The following KIRREL2 variants were observed in gnomAD, a reference collection of about 807,000 sequenced individuals.
The protein encoded by KIRREL2 is kin of IRRE-like protein 2.
Under a neutral mutation model 73.4 loss-of-function variants are expected in KIRREL2, and 56 were observed. The observed-to-expected ratio is 0.76, with a 90% CI of 0.62 to 0.95. The LOEUF (loss-of-function observed/expected upper bound fraction) is 0.95. Ranked by LOEUF, KIRREL2 falls within the 40% of genes least tolerant of loss-of-function variation. The probability of loss-of-function intolerance (pLI) is 0.00; values close to 1 mark genes in which losing one functional copy is unlikely to be tolerated. For missense variants in KIRREL2, 896 were observed against 935.0 expected, an observed-to-expected ratio of 0.96 and a Z score of 0.54; for synonymous variants, 407 against 404.0, an observed-to-expected ratio of 1.01 and a Z score of -0.09.
upstream of KIRREL2, among the ~76,000 whole-genome samples, chr19:35,854,153 A>G (rs2146839398): frequency 6.6e-6 from 1 of 150,800 alleles, no homozygotes; most frequent in South Asian, 2.1e-4. Flanking sequence ...CCACTTGGCT[A>G]ATTTTTTTTA....
rs756826802 is a variant in KIRREL2, at chr19:35,861,189, G to A, written c.1124G>A (p.Cys375Tyr). 4.4e-6 allele frequency: 7 copies of A among 1,573,206 alleles called. No homozygotes were observed. The East Asian group carries it at 6.7e-5, about 15-fold the overall frequency. Reference sequence around the variant, plus strand: ...CCCGAGGACGCAGGCGACTATGTGTGCAGAGCTGAGGCTGGGCTATCGGGC... The same window carrying A: ...CCCGAGGACGCAGGCGACTATGTGTACAGAGCTGAGGCTGGGCTATCGGGC... The part of the protein sequence containing the change: ...VGPEDAGDYV[C>Y]RAEAGLSGLR... Residue 375 changes from cysteine (C) to tyrosine (Y), a missense_variant, in exon 9 of 15, where the codon TGC becomes TAC. Transcript: ENST00000360202.
At chr19:35,864,608 A>G (rs1599872542) in intron 13 of KIRREL2, 40 bp from the exon 14 acceptor site, 1 of 1,540,490 alleles carries the variant, frequency 6.5e-7, no homozygotes. Flanking sequence ...GGGCGGGGGG[A>G]TCCTCTGACT....
intron 4 of KIRREL2, among the ~76,000 whole-genome samples, chr19:35,859,218 C>A (rs1297355909): frequency 1.3e-5 from 2 of 152,186 alleles, no homozygotes; most frequent in Non-Finnish European, 2.9e-5. Context: ...ATAGTGAGCA[C>A]TATATAAGTA....
chr19:35,856,658 C>A, upstream of KIRREL2: 2 of 305,228 alleles, frequency 6.6e-6, no homozygotes, highest in Non-Finnish European at 6.3e-6. The surrounding 1 kb of genome is among the most constrained non-coding windows in gnomAD (Gnocchi z 5.9). Context: ...TCCTCCTCAC[C>A]CCTTGCCTGC....
Position 35,866,195 on chromosome 19 carries a change from T to C in KIRREL2, c.1830T>C (p.Ser610=). 6.2e-7 allele frequency: 1 copy of C among 1,612,920 alleles called. No homozygotes were observed. The highest frequency in any genetic ancestry group is 8.5e-7 in the Non-Finnish European group (1 of 1,179,604). ...GTTACTACAAGGTCCGAGGAGTCAG[T>C]GTGAGCCTGAGCCTTGGCGAAGCCC... is the stretch of plus-strand genomic sequence containing the variant. ...TNGYYKVRGV[S]VSLSLGEAPG... Residue 610 remains serine, a synonymous_variant, in exon 15 of 15, where the codon AGT becomes AGC. Coordinates refer to ENST00000360202, the MANE Select transcript of KIRREL2 (RefSeq NM_199180.4).
At chr19:35,854,415 G>A (rs1435342679), upstream of KIRREL2, among the ~76,000 whole-genome samples, 4 of 149,290 alleles carry the variant, frequency 2.7e-5, no homozygotes, top group East Asian at 2.0e-4. Flanking sequence ...TCTGCCTCCC[G>A]GGTTCAGGCG....
Position 35,861,867 on chromosome 19 carries a change from A to G in KIRREL2, c.1353A>G (p.Thr451=). The change falls in exon 11 of 15, where the codon ACA becomes ACG. Residue 451 remains threonine, a synonymous_variant. Coordinates refer to ENST00000360202, the MANE Select transcript of KIRREL2 (RefSeq NM_199180.4). ...CGCAGGGCCGGTTCCTGGTGGAGAC[A>G]TTCCCTGCCCCAGAGAGCCGCGGGG... ...AGSQGRFLVE[T]FPAPESRGGL... 1 of 1,592,914 alleles carries G rather than the reference A, an allele frequency of 6.3e-7. No homozygotes were observed. Among genetic ancestry groups the G allele is most frequent in the Non-Finnish European group, 8.5e-7 (1 of 1,170,002 alleles).
chr19:35,851,990 C>T (rs909246138), upstream of KIRREL2, among the ~76,000 whole-genome samples: 3 of 152,100 alleles, frequency 2.0e-5, no homozygotes, highest in African/African-American at 4.8e-5. Flanking sequence ...TTTCCTCTTC[C>T]CCTCTTCCCT....
At chr19:35,853,281 G>A (rs184871947), upstream of KIRREL2, among the ~76,000 whole-genome samples, 19 of 152,318 alleles carry the variant, frequency 1.2e-4, no homozygotes, top group African/African-American at 4.1e-4. Flanking sequence ...TGTGGAGAGC[G>A]TGTGTGTGAC....
At chr19:35,860,464 G>C (rs1196746984) in intron 6 of KIRREL2, 55 bp from the exon 7 acceptor site, 11 of 1,604,496 alleles carry the variant, frequency 6.9e-6, no homozygotes, top group Non-Finnish European at 9.3e-6. Context: ...GCTGGGACCT[G>C]AGTAGGTGTG....
chr19:35,866,645 A>G lies in KIRREL2; in HGVS notation c.*153A>G. The G allele has an allele frequency of 1.7e-6, 2 of 1,181,314 alleles. No individual in the cohort carries two copies. The highest frequency in any genetic ancestry group is 1.5e-5 in the African/African-American group (1 of 64,780). The allele number at this position is 1,181,314 out of a possible 1,614,324, so 73.2% of individuals were successfully genotyped here. On this transcript the variant is annotated 3_prime_UTR_variant, in exon 15 of 15. Coordinates refer to ENST00000360202, the MANE Select transcript of KIRREL2 (RefSeq NM_199180.4). ...TTACATTTGTCAGGAGCATTTGTAT[A>G]CAGTCAGCTCAGCCAAAGGAGATGC...
Position 35,866,623 on chromosome 19 carries a change from C to T in KIRREL2, c.*131C>T. The T allele has an allele frequency of 7.3e-7, 1 of 1,368,816 alleles. No homozygotes were observed. Among genetic ancestry groups the T allele is most frequent in the South Asian group, 1.2e-5 (1 of 81,556 alleles). 84.8% of individuals were successfully genotyped at this position (1,368,816 alleles called of 1,614,324 possible). On this transcript the variant is annotated 3_prime_UTR_variant, in exon 15 of 15. Transcript: ENST00000360202. ...ACACAAGGGGAGGGAAAGATCATTACATTTGTCAGGAGCATTTGTATACAG... is the reference window on the plus strand; with the variant it reads ...ACACAAGGGGAGGGAAAGATCATTATATTTGTCAGGAGCATTTGTATACAG...
At chr19:35,859,399 C>T (rs769175421) in intron 4 of KIRREL2, 82 bp from the exon 5 acceptor site, 30 of 1,285,340 alleles carry the variant, frequency 2.3e-5, no homozygotes, top group Non-Finnish European at 3.0e-5. Flanking sequence ...GACAATTCTT[C>T]TTCCAATGTG....
upstream of KIRREL2, among the ~76,000 whole-genome samples, chr19:35,854,308 TTTTTTTCTTTTTTCTC>T (rs1029651109): frequency 1.3e-5 from 2 of 151,690 alleles, no homozygotes; most frequent in African/African-American, 4.9e-5. Context: ...TTATCTTTCT[TTTTTTTCTTTTTTCTC>T]TTTTTTCTTT....
Position 35,860,455 on chromosome 19 carries a change from C to G in KIRREL2, c.779+53C>G, listed in dbSNP as rs1973615178. On this transcript the variant is annotated intron_variant, in intron 6 of 14. Coordinates refer to ENST00000360202, the MANE Select transcript of KIRREL2 (RefSeq NM_199180.4). ...GCCCCAAGAGTGAGCTTGGGAAGGG[C>G]TGGGACCTGAGTAGGTGTGCCAGAG... The G allele has an allele frequency of 4.4e-6, 7 of 1,605,680 alleles. No individual in the cohort carries two copies. The East Asian group carries it at 1.6e-4, about 36-fold the overall frequency.
upstream of KIRREL2, chr19:35,851,409 G>A: frequency 1.9e-6 from 3 of 1,612,708 alleles, no homozygotes; most frequent in South Asian, 1.1e-5. Flanking sequence ...GGAAGTCAGG[G>A]CCGCAGCTTC....
Position 35,866,274 on chromosome 19 carries a change from C to CCT in KIRREL2, c.1910_1911dup (p.Thr638LeufsTer94). ...CTCCCCCCTTGGGCCCCCAGGGACC[C>CCT]CTACCTTCTATGACTTCAACCCACA... is the stretch of plus-strand genomic sequence containing the variant. On this transcript the variant is annotated frameshift_variant, in exon 15 of 15. Coordinates refer to ENST00000360202, the MANE Select transcript of KIRREL2 (RefSeq NM_199180.4). LOFTEE classifies it high-confidence loss of function. The CCT allele has an allele frequency of 1.2e-6, 2 of 1,611,864 alleles. No individual in the cohort carries two copies. Among genetic ancestry groups the CCT allele is most frequent in the Admixed American group, 3.3e-5 (2 of 59,988 alleles).
At chr19:35,858,176 T>C (rs1232792927) in intron 2 of KIRREL2, among the ~76,000 whole-genome samples, 1 of 152,068 alleles carries the variant, frequency 6.6e-6, no homozygotes, top group Non-Finnish European at 1.5e-5. Context: ...TCTAACCTAA[T>C]TTTTATGGCA....
intron 10 of KIRREL2, 21 bp downstream of exon 10, chr19:35,861,662 C>T: frequency 6.2e-7 from 1 of 1,609,342 alleles, no homozygotes; most frequent in Non-Finnish European, 8.5e-7. Context: ...GTCACTCCTC[C>T]CGTGACCCAT....
Sources: gnomAD v4.1 joint callset for allele counts (sites outside exome capture counted in the v4.1 genomes callset) on GRCh38, gnomAD v4.1.1 for gene constraint, Gnocchi (gnomAD v3.1) non-coding constraint, MANE v1.5 for transcripts, NCBI Gene and HGNC (gene_info 2026-07-23, HGNC 2026-07-21) for gene names.